Variants in HYCC2 observed in about 807,000 individuals in gnomAD.
HYCC2 encodes hyccin PI4KA lipid kinase complex subunit 2.
chr2:201,046,375 A>G, the HYCC2 span, among the ~76,000 whole-genome samples: 1 of 152,180 alleles, frequency 6.6e-6, no homozygotes, highest in Non-Finnish European at 1.5e-5. Flanking sequence ...TTTATCTCAT[A>G]CACTGGGCTT....
At chr2:201,060,535 T>C in the HYCC2 span, among the ~76,000 whole-genome samples, 1 of 152,188 alleles carries the variant, frequency 6.6e-6, no homozygotes, top group Non-Finnish European at 1.5e-5. Flanking sequence ...TTAGGTAATC[T>C]TGAAAGTAGA....
chr2:201,066,178 A>C, the HYCC2 span, among the ~76,000 whole-genome samples: 1 of 151,850 alleles, frequency 6.6e-6, no homozygotes, highest in African/African-American at 2.4e-5. Flanking sequence ...GGTTCAAGCA[A>C]TTTTCCTGCC....
At chr2:200,992,326 A>G in the HYCC2 span, 1 of 1,612,424 alleles carries the variant, frequency 6.2e-7, no homozygotes, top group South Asian at 1.1e-5. Flanking sequence ...TATAAATGAT[A>G]TCATCAAGAA....
chr2:201,048,999 T>C, the HYCC2 span, among the ~76,000 whole-genome samples: 1 of 151,606 alleles, frequency 6.6e-6, no homozygotes, highest in Non-Finnish European at 1.5e-5. Flanking sequence ...TGTGGTGGTG[T>C]GTGCCTGTAG....
the HYCC2 span, among the ~76,000 whole-genome samples, chr2:201,020,462 T>C: frequency 4.6e-5 from 7 of 152,256 alleles, no homozygotes; most frequent in East Asian, 1.9e-4. Flanking sequence ...CATCTGTGAA[T>C]AGGGACAGAG....
chr2:200,991,458 A>G, the HYCC2 span, among the ~76,000 whole-genome samples: 16 of 151,958 alleles, frequency 1.1e-4, no homozygotes, highest in African/African-American at 2.9e-4. Context: ...AGTCCCAGCT[A>G]CTCAGGAGGC....
chr2:200,986,888 T>C, the HYCC2 span, among the ~76,000 whole-genome samples: 1 of 152,186 alleles, frequency 6.6e-6, no homozygotes, highest in South Asian at 2.1e-4. Context: ...ATAAATCAGC[T>C]GGCTCCACTT....
chr2:201,045,724 A>G, the HYCC2 span: 1 of 387,550 alleles, frequency 2.6e-6, no homozygotes, highest in Non-Finnish European at 4.5e-6. Flanking sequence ...GATCCAAAAC[A>G]TTTCTGTAAT....
the HYCC2 span, among the ~76,000 whole-genome samples, chr2:201,041,090 T>C: frequency 2.0e-5 from 3 of 152,212 alleles, no homozygotes; most frequent in African/African-American, 4.8e-5. Flanking sequence ...AGTTTTTGTA[T>C]ACTTAGAACA....
At chr2:201,033,485 G>A in the HYCC2 span, among the ~76,000 whole-genome samples, 1 of 151,396 alleles carries the variant, frequency 6.6e-6, no homozygotes, top group Non-Finnish European at 1.5e-5. Context: ...CTCACTGCAA[G>A]CTCCGCCTCC....
chr2:201,044,886 A>G, the HYCC2 span, among the ~76,000 whole-genome samples: 8 of 152,210 alleles, frequency 5.3e-5, no homozygotes, highest in Non-Finnish European at 1.2e-4. Flanking sequence ...AACAGTGAGC[A>G]AAACTAACTG....
At chr2:201,033,001 T>G in the HYCC2 span, among the ~76,000 whole-genome samples, 1 of 152,116 alleles carries the variant, frequency 6.6e-6, no homozygotes, top group Non-Finnish European at 1.5e-5. Flanking sequence ...CAAGTCATCT[T>G]TTAGCTAACT....
At chr2:201,065,763 T>C in the HYCC2 span, among the ~76,000 whole-genome samples, 2 of 152,230 alleles carry the variant, frequency 1.3e-5, no homozygotes, top group African/African-American at 4.8e-5. Context: ...AAACATATTA[T>C]AGTTGAAGGA....
At chr2:200,998,377 CA>C in the HYCC2 span, among the ~76,000 whole-genome samples, 1 of 152,268 alleles carries the variant, frequency 6.6e-6, no homozygotes, top group South Asian at 2.1e-4. Context: ...AGTCCTAGAT[CA>C]AATTTTTACC....
At chr2:200,978,905 C>T in the HYCC2 span, 2 of 152,080 alleles carry the variant, frequency 1.3e-5, no homozygotes, top group African/African-American at 4.8e-5. Context: ...GTGCTCTAAC[C>T]AAAATCATGC....
At chr2:200,981,917 A>G in the HYCC2 span, 1 of 1,543,292 alleles carries the variant, frequency 6.5e-7, no homozygotes. This position sits in a 1 kb window ranked among gnomAD's most constrained non-coding sequence, Gnocchi z 4.5. Flanking sequence ...AAATTAAATA[A>G]GAAGCAGCTG....
At chr2:201,032,652 T>G in the HYCC2 span, among the ~76,000 whole-genome samples, 1 of 152,184 alleles carries the variant, frequency 6.6e-6, no homozygotes, top group African/African-American at 2.4e-5. Flanking sequence ...TAGTTATTGT[T>G]ACACAAAAAT....
At chr2:200,999,152 C>CTAGGGAA in the HYCC2 span, among the ~76,000 whole-genome samples, 4 of 152,098 alleles carry the variant, frequency 2.6e-5, no homozygotes, top group African/African-American at 9.7e-5. Flanking sequence ...AGAGTTGTTT[C>CTAGGGAA]TAGGGAATTT....
the HYCC2 span, among the ~76,000 whole-genome samples, chr2:201,049,271 T>C: frequency 6.6e-6 from 1 of 152,210 alleles, no homozygotes; most frequent in South Asian, 2.1e-4. Flanking sequence ...AAGATCTGAA[T>C]GGTGCAATTA....
Sources: gnomAD v4.1 joint callset for allele counts (sites outside exome capture counted in the v4.1 genomes callset) on GRCh38, gnomAD v4.1.1 for gene constraint, Gnocchi (gnomAD v3.1) non-coding constraint, MANE v1.5 for transcripts, NCBI Gene and HGNC (gene_info 2026-07-23, HGNC 2026-07-21) for gene names.